The following FGF14 variants were observed in gnomAD, a reference collection of about 807,000 sequenced individuals.
FGF14 encodes fibroblast growth factor homologous factor 4.
FGF14 carries 5 observed loss-of-function variants against 25.5 expected under a neutral mutation model. The observed-to-expected ratio is 0.20, with a 90% CI of 0.10 to 0.41. The LOEUF (loss-of-function observed/expected upper bound fraction) is 0.41. Among genes scored for constraint, FGF14 ranks in the 10% least tolerant of loss-of-function variants. FGF14 has a pLI of 1.00. For synonymous variants in FGF14, 138 were observed against 118.3 expected (o/e 1.17, Z -1.08); for missense variants, 222 against 320.1 (o/e 0.69, Z 2.34).
At chr13:101,882,653 T>C (rs980487637) in intron 1 of FGF14, among the ~76,000 whole-genome samples, 2 of 152,106 alleles carry the variant, frequency 1.3e-5, no homozygotes, top group Admixed American at 6.5e-5. Context: ...TAACTGCACA[T>C]GGCAAGGACT....
chr13:102,378,667 T>G (rs2058104243), intron 1 of FGF14, among the ~76,000 whole-genome samples: 1 of 151,266 alleles, frequency 6.6e-6, no homozygotes, highest in African/African-American at 2.4e-5. Context: ...AATCACTACA[T>G]ATTTAAAGGC....
chr13:101,949,459 C>T (rs1318326677), intron 1 of FGF14, among the ~76,000 whole-genome samples: 1 of 152,174 alleles, frequency 6.6e-6, no homozygotes, highest in East Asian at 1.9e-4. Context: ...ACGAGTGGTT[C>T]TTTGGAGCCA....
intron 1 of FGF14, among the ~76,000 whole-genome samples, chr13:101,909,600 T>C (rs924543311): frequency 6.6e-5 from 10 of 152,142 alleles, no homozygotes; most frequent in Admixed American, 6.5e-4. Flanking sequence ...CAACAGGTGA[T>C]AGAGAGGATG....
chr13:101,945,015 A>G (rs910935445), intron 1 of FGF14, among the ~76,000 whole-genome samples: 4 of 152,154 alleles, frequency 2.6e-5, no homozygotes, highest in Non-Finnish European at 5.9e-5. Flanking sequence ...ATAAAACTGT[A>G]CACTTAAAAA....
intron 1 of FGF14, among the ~76,000 whole-genome samples, chr13:102,279,016 T>C (rs2053693692): frequency 6.6e-6 from 1 of 152,130 alleles, no homozygotes; most frequent in African/African-American, 2.4e-5. Context: ...ATGAACTGGA[T>C]TGTTTTGTTT....
intron 1 of FGF14, among the ~76,000 whole-genome samples, chr13:102,154,794 G>A (rs1761899469): frequency 6.6e-6 from 1 of 151,900 alleles, no homozygotes; most frequent in Non-Finnish European, 1.5e-5. Flanking sequence ...GACACGCATA[G>A]GCTCAAAATA....
intron 1 of FGF14, among the ~76,000 whole-genome samples, chr13:102,153,044 TCTC>T (rs1326710285): frequency 2.0e-5 from 3 of 152,168 alleles, no homozygotes; most frequent in Non-Finnish European, 2.9e-5. Flanking sequence ...AGGCTGCTGC[TCTC>T]CTCCTTTCCA....
intron 3 of FGF14, among the ~76,000 whole-genome samples, chr13:101,752,726 C>T (rs1322403237): frequency 3.3e-5 from 5 of 152,068 alleles, no homozygotes; most frequent in African/African-American, 7.2e-5. Context: ...TATTTTTTCC[C>T]TTCTGCCATT....
chr13:102,298,668 C>T (rs1010523015), intron 1 of FGF14, among the ~76,000 whole-genome samples: 1 of 152,028 alleles, frequency 6.6e-6, no homozygotes, highest in Non-Finnish European at 1.5e-5. Context: ...ACTCTAGACA[C>T]AAGGGTGATT....
intron 1 of FGF14, among the ~76,000 whole-genome samples, chr13:102,084,240 T>C (rs2043780810): frequency 6.6e-6 from 1 of 152,204 alleles, no homozygotes; most frequent in South Asian, 2.1e-4. Flanking sequence ...TCTTTATTTT[T>C]CTTTTGCACT....
At chr13:101,884,152 A>C (rs2045873424) in intron 1 of FGF14, among the ~76,000 whole-genome samples, 1 of 150,790 alleles carries the variant, frequency 6.6e-6, no homozygotes, top group African/African-American at 2.4e-5. Context: ...AAAGGAAATG[A>C]TGGCGTGAAT....
chr13:102,251,163 A>G (rs1447636012), intron 1 of FGF14, among the ~76,000 whole-genome samples: 2 of 152,208 alleles, frequency 1.3e-5, no homozygotes, highest in Admixed American at 1.3e-4. Flanking sequence ...TATTTGATGA[A>G]TGCTACATCA....
At chr13:102,003,692 T>A (rs1258240047) in intron 1 of FGF14, among the ~76,000 whole-genome samples, 1 of 151,692 alleles carries the variant, frequency 6.6e-6, no homozygotes, top group African/African-American at 2.4e-5. Flanking sequence ...ATTTGGGCAT[T>A]GGGAACAATT....
At chr13:101,730,682 T>TA (rs2035747219) in intron 3 of FGF14, among the ~76,000 whole-genome samples, 2 of 152,140 alleles carry the variant, frequency 1.3e-5, no homozygotes, top group Non-Finnish European at 1.5e-5. Flanking sequence ...TAGAACTACT[T>TA]AAAGTCCAGT....
rs548058638 is a variant in FGF14 at position 101,933,606 on chromosome 13, C to A, written c.209-58310G>T. 6.6e-4 allele frequency among the ~76,000 whole-genome samples: 100 copies of A among 152,262 alleles called. 1 individual carries two copies. The highest frequency in any genetic ancestry group is 2.3e-3 in the African/African-American group (97 of 41,556). Reference sequence around the variant, plus strand: ...GGACTTGGGGGCGAATGCCTGTAGTCCCAGCTACTCGGGAGGCTGAGGCGG... The same window carrying A: ...GGACTTGGGGGCGAATGCCTGTAGTACCAGCTACTCGGGAGGCTGAGGCGG... On this transcript the variant is annotated intron_variant, in intron 1 of 4. Transcript: ENST00000376131.
intron 1 of FGF14, among the ~76,000 whole-genome samples, chr13:102,348,342 A>G (rs1224174216): frequency 6.6e-6 from 1 of 152,232 alleles, no homozygotes; most frequent in Non-Finnish European, 1.5e-5. Flanking sequence ...TACGGGATAC[A>G]GCATGAGGGA....
intron 1 of FGF14, among the ~76,000 whole-genome samples, chr13:101,893,041 G>C (rs2029992708): frequency 6.6e-6 from 1 of 152,162 alleles, no homozygotes; most frequent in Admixed American, 6.6e-5. Flanking sequence ...ATGCAGTTAA[G>C]ATGCCATACC....
At chr13:101,733,591 CA>C (rs553475621) in intron 3 of FGF14, among the ~76,000 whole-genome samples, 23,035 of 97,238 alleles carry the variant, frequency 0.24, 1,894 homozygotes, top group East Asian at 0.34. Context: ...AAGACTCCAT[CA>C]AAAAAAAAAA....
intron 3 of FGF14, among the ~76,000 whole-genome samples, chr13:101,735,780 A>C (rs1173570780): frequency 6.6e-6 from 1 of 152,182 alleles, no homozygotes; most frequent in Non-Finnish European, 1.5e-5. Flanking sequence ...CTCTAAGATC[A>C]AACATGTTTG....
Sources: allele counts gnomAD v4.1 joint callset (sites outside exome capture counted in the v4.1 genomes callset), GRCh38; gene constraint gnomAD v4.1.1; transcripts MANE v1.5; gene names NCBI Gene and HGNC (gene_info 2026-07-23, HGNC 2026-07-21).